RBFOX1: variants seen among roughly 807,000 people sequenced by gnomAD.
RBFOX1 encodes RNA binding protein fox-1 homolog 1.
A neutral mutation model predicts 57.7 loss-of-function variants in RBFOX1; 8 were observed. The observed-to-expected ratio is 0.14, with a 90% CI of 0.08 to 0.25. RBFOX1 has a LOEUF of 0.25. RBFOX1 is among the 10% of genes least tolerant of loss of function. The pLI, the probability that RBFOX1 is intolerant of heterozygous loss-of-function variation, is 1.00. For missense variants in RBFOX1, 611 were observed against 548.5 expected (o/e 1.11, Z -1.14); for synonymous variants, 326 against 222.4 (o/e 1.47, Z -4.15).
At chr16:7,458,374 G>T (rs184730309) in intron 4 of RBFOX1, among the ~76,000 whole-genome samples, 2 of 152,144 alleles carry the variant, frequency 1.3e-5, no homozygotes, top group African/African-American at 4.8e-5. Context: ...TTCCCATGCT[G>T]TCCTGGAGCA....
At chr16:6,057,537 G>C (rs1414857702) in intron 1 of RBFOX1, among the ~76,000 whole-genome samples, 2 of 151,966 alleles carry the variant, frequency 1.3e-5, no homozygotes, top group African/African-American at 4.8e-5. Flanking sequence ...CGACAGGCTT[G>C]GTCTCTGCCA....
At chr16:6,859,423 C>T (rs533975307) in intron 3 of RBFOX1, among the ~76,000 whole-genome samples, 1 of 151,844 alleles carries the variant, frequency 6.6e-6, no homozygotes, top group Non-Finnish European at 1.5e-5. Flanking sequence ...ATTGATTTTA[C>T]TTGTCAGCTC....
intron 3 of RBFOX1, among the ~76,000 whole-genome samples, chr16:6,877,637 C>G (rs1403678987): frequency 6.6e-6 from 1 of 152,136 alleles, no homozygotes; most frequent in Non-Finnish European, 1.5e-5. Context: ...GTTCACAAAG[C>G]ATTTTTACGG....
chr16:7,674,244 A>G (rs1568398288), intron 13 of RBFOX1, among the ~76,000 whole-genome samples: 1 of 152,146 alleles, frequency 6.6e-6, no homozygotes, highest in African/African-American at 2.4e-5. Context: ...TAATTATTAC[A>G]TGTTTCAGGG....
chr16:7,057,993 G>C (rs1190456384), intron 4 of RBFOX1, among the ~76,000 whole-genome samples: 11 of 123,296 alleles, frequency 8.9e-5, no homozygotes, highest in Admixed American at 8.7e-4. Context: ...GGTCGACAGA[G>C]GGAGACTGTG....
chr16:7,445,532 C>T (rs2098801199), intron 4 of RBFOX1, among the ~76,000 whole-genome samples: 1 of 152,170 alleles, frequency 6.6e-6, no homozygotes, highest in Non-Finnish European at 1.5e-5. Flanking sequence ...AGTGACAGGT[C>T]CATAAATCAA....
At chr16:7,300,941 C>A (rs2096015216) in intron 4 of RBFOX1, among the ~76,000 whole-genome samples, 3 of 152,250 alleles carry the variant, frequency 2.0e-5, no homozygotes, top group Middle Eastern at 3.4e-3. Flanking sequence ...TGCATATGAA[C>A]CCATGTGATG....
chr16:7,427,884 C>T (rs1409174195), intron 4 of RBFOX1, among the ~76,000 whole-genome samples: 2 of 152,182 alleles, frequency 1.3e-5, no homozygotes, highest in East Asian at 3.9e-4. Context: ...AAACCCCTGA[C>T]CTCAGATGAT....
In RBFOX1 at chr16:5,944,987, AAG is replaced by A. The variant is rs1555453187; in HGVS notation, c.351+77670_351+77671del. Among the ~76,000 whole-genome samples, 203 of 97,040 alleles carry A rather than the reference AAG, an allele frequency of 2.1e-3. 2 individuals carry two copies. The highest frequency in any genetic ancestry group is 0.013 in the East Asian group (43 of 3,298). The allele number at this position is 97,040 out of a possible 152,430, so 63.7% of individuals were successfully genotyped here. ...CATAAAAAAAAAAAAAAAAAAAAAA[AAG>A]AGAGAGAGAGAGAGAGAAAGAGAGA... On this transcript the variant is annotated intron_variant, in intron 4 of 19. Coordinates refer to the RBFOX1 transcript ENST00000641259.
intron 4 of RBFOX1, among the ~76,000 whole-genome samples, chr16:7,332,356 A>G (rs984079902): frequency 3.3e-5 from 5 of 152,220 alleles, no homozygotes; most frequent in Non-Finnish European, 5.9e-5. Context: ...TTGTGCAAAT[A>G]CAAGCTGGCT....
At chr16:7,689,547 T>C (rs923591977) in intron 14 of RBFOX1, among the ~76,000 whole-genome samples, 13 of 152,092 alleles carry the variant, frequency 8.5e-5, no homozygotes, top group African/African-American at 3.1e-4. Flanking sequence ...CTGGAAATTC[T>C]GATTCAGGTG....
chr16:5,525,129 G>C (rs1013237375), intron 2 of RBFOX1, among the ~76,000 whole-genome samples: 4 of 152,138 alleles, frequency 2.6e-5, no homozygotes, highest in African/African-American at 9.7e-5. Context: ...TGTTGACTGA[G>C]TAAATGGAAA....
intron 2 of RBFOX1, among the ~76,000 whole-genome samples, chr16:6,637,492 T>G (rs1303121230): frequency 6.5e-5 from 4 of 61,076 alleles, no homozygotes; most frequent in African/African-American, 1.3e-4. Context: ...ATCCTATATA[T>G]TATATATAAT....
intron 2 of RBFOX1, among the ~76,000 whole-genome samples, chr16:6,574,683 C>T (rs2097400178): frequency 9.0e-6 from 1 of 111,148 alleles, no homozygotes; most frequent in African/African-American, 3.4e-5. Flanking sequence ...CCGCCTCGGC[C>T]TCCCAAAGTG....
intron 2 of RBFOX1, among the ~76,000 whole-genome samples, chr16:6,378,387 C>T (rs1043568480): frequency 6.6e-6 from 1 of 152,196 alleles, no homozygotes; most frequent in Non-Finnish European, 1.5e-5. Flanking sequence ...GCTCGCTGGG[C>T]ATCTTTCTGC....
intron 1 of RBFOX1, among the ~76,000 whole-genome samples, chr16:6,292,908 T>C (rs1386361518): frequency 6.6e-6 from 1 of 152,204 alleles, no homozygotes; most frequent in Non-Finnish European, 1.5e-5. Context: ...AAAGTACTTT[T>C]TCATCTGGCT....
Position 6,641,871 on chromosome 16 carries a change from C to G in RBFOX1, c.-63-12732C>G, listed in dbSNP as rs527434782. 2.0e-5 allele frequency among the ~76,000 whole-genome samples: 3 copies of G among 151,138 alleles called. No homozygotes were observed. In the South Asian group the frequency reaches 6.3e-4, roughly 32 times the overall value. ...TGTTTCCTTCTTTGGAGATTACCCA[C>G]TTTAGCTCACCTGGGGAACACACAC... On this transcript the variant is annotated intron_variant, in intron 2 of 15. Coordinates refer to ENST00000550418, the MANE Select transcript of RBFOX1 (RefSeq NM_018723.4).
intron 3 of RBFOX1, among the ~76,000 whole-genome samples, chr16:5,655,919 G>T (rs1447123548): frequency 6.6e-6 from 1 of 152,040 alleles, no homozygotes; most frequent in Non-Finnish European, 1.5e-5. Context: ...TAGATCTCCT[G>T]CATGTCTCTA....
rs779137948 is a variant in RBFOX1, at chr16:7,409,921, T to C, written c.28-108226T>C. Among the ~76,000 whole-genome samples, 6 of 152,106 alleles carry C rather than the reference T, an allele frequency of 3.9e-5. No homozygotes were observed. The South Asian group carries it at 1.2e-3, about 32-fold the overall frequency. ...ATGTCTTAAATGAGGGGAGGGGTCTTATCGAGGAGGCTGTGCCTGTGGTCT... is the reference window on the plus strand; with the variant it reads ...ATGTCTTAAATGAGGGGAGGGGTCTCATCGAGGAGGCTGTGCCTGTGGTCT... On this transcript the variant is annotated intron_variant, in intron 4 of 15. Transcript: ENST00000550418.
Sources: gnomAD v4.1 joint callset for allele counts (sites outside exome capture counted in the v4.1 genomes callset) on GRCh38, gnomAD v4.1.1 for gene constraint, MANE v1.5 for transcripts, NCBI Gene and HGNC (gene_info 2026-07-23, HGNC 2026-07-21) for gene names.